Variants in EEIG2 observed in about 807,000 individuals in gnomAD.
EEIG2 encodes the protein family with sequence similarity 102 member B.
the EEIG2 span, chr1:108,606,303 C>G: frequency 6.9e-5 from 89 of 1,298,614 alleles, no homozygotes; most frequent in African/African-American, 1.1e-3. Flanking sequence ...TTGCTTATTG[C>G]TATTTATAGG....
chr1:108,573,214 C>T, the EEIG2 span, among the ~76,000 whole-genome samples: 2 of 152,172 alleles, frequency 1.3e-5, no homozygotes, highest in African/African-American at 2.4e-5. Flanking sequence ...TATTAGGATT[C>T]TACTTTGCAA....
At chr1:108,623,165 G>A in the EEIG2 span, among the ~76,000 whole-genome samples, 146,500 of 152,100 alleles carry the variant, frequency 0.96, 70,767 homozygotes, top group Non-Finnish European at 1. Context: ...ACAATAATTT[G>A]TTGCACGTTT....
At chr1:108,618,293 C>A in the EEIG2 span, among the ~76,000 whole-genome samples, 3 of 152,130 alleles carry the variant, frequency 2.0e-5, no homozygotes, top group Non-Finnish European at 4.4e-5. Flanking sequence ...TATAGAAGTT[C>A]TTTTCCAGTT....
At chr1:108,631,290 A>T in the EEIG2 span, among the ~76,000 whole-genome samples, 2 of 152,240 alleles carry the variant, frequency 1.3e-5, no homozygotes, top group African/African-American at 4.8e-5. Context: ...CTGTATTTAT[A>T]AAGTTTCATT....
At chr1:108,631,086 A>G in the EEIG2 span, 19 of 363,578 alleles carry the variant, frequency 5.2e-5, no homozygotes, top group South Asian at 3.2e-4. Context: ...AATGTGAAAA[A>G]GGATTTACAG....
At chr1:108,630,089 C>G in the EEIG2 span, among the ~76,000 whole-genome samples, 9 of 152,204 alleles carry the variant, frequency 5.9e-5, no homozygotes, top group African/African-American at 2.2e-4. Context: ...AGTGATCCTC[C>G]TGCCTTAGCC....
the EEIG2 span, among the ~76,000 whole-genome samples, chr1:108,588,903 C>T: frequency 6.6e-6 from 1 of 151,358 alleles, no homozygotes; most frequent in Non-Finnish European, 1.5e-5. Flanking sequence ...GAATAAAAAC[C>T]CTGCATGAAG....
At chr1:108,630,412 C>CCA in the EEIG2 span, among the ~76,000 whole-genome samples, 16 of 151,840 alleles carry the variant, frequency 1.1e-4, no homozygotes, top group African/African-American at 3.9e-4. Flanking sequence ...ACATCACACA[C>CCA]CACGGCCTGT....
At chr1:108,600,249 A>G in the EEIG2 span, among the ~76,000 whole-genome samples, 1 of 152,364 alleles carries the variant, frequency 6.6e-6, no homozygotes, top group African/African-American at 2.4e-5. Flanking sequence ...TTATGTTTTA[A>G]ACATGTACCA....
the EEIG2 span, among the ~76,000 whole-genome samples, chr1:108,589,783 CTTTTTTTTTTTTTTT>C: frequency 2.3e-5 from 2 of 85,160 alleles, no homozygotes; most frequent in Non-Finnish European, 4.2e-5. Flanking sequence ...GTCTTTTGTC[CTTTTTTTTTTTTTTT>C]TTTTTTTTTT....
At chr1:108,572,936 G>T in the EEIG2 span, among the ~76,000 whole-genome samples, 2 of 152,082 alleles carry the variant, frequency 1.3e-5, no homozygotes, top group African/African-American at 4.8e-5. Context: ...TCATGGCCTC[G>T]TAATTCATTT....
At chr1:108,576,543 G>T in the EEIG2 span, among the ~76,000 whole-genome samples, 21 of 135,148 alleles carry the variant, frequency 1.6e-4, 1 homozygote, top group Admixed American at 6.9e-4. Context: ...GAGAATATGC[G>T]GTGTTTGGTT....
the EEIG2 span, chr1:108,606,302 G>C: frequency 1.5e-6 from 2 of 1,301,774 alleles, no homozygotes; most frequent in Non-Finnish European, 2.1e-6. Context: ...GTTGCTTATT[G>C]CTATTTATAG....
chr1:108,613,601 C>T, the EEIG2 span, among the ~76,000 whole-genome samples: 9 of 152,124 alleles, frequency 5.9e-5, no homozygotes, highest in Admixed American at 1.3e-4. Context: ...CCCACTTTGT[C>T]CTACAAAAAA....
At chr1:108,576,359 A>C in the EEIG2 span, among the ~76,000 whole-genome samples, 11 of 150,886 alleles carry the variant, frequency 7.3e-5, no homozygotes, top group East Asian at 2.2e-3. Flanking sequence ...GGTTAGTTAC[A>C]TATGTATACA....
the EEIG2 span, among the ~76,000 whole-genome samples, chr1:108,570,110 A>T: frequency 2.0e-5 from 3 of 152,198 alleles, no homozygotes; most frequent in African/African-American, 7.2e-5. Context: ...ATATAAACTC[A>T]AGAATAGGTA....
At chr1:108,587,488 A>G in the EEIG2 span, among the ~76,000 whole-genome samples, 1 of 152,122 alleles carries the variant, frequency 6.6e-6, no homozygotes. Context: ...GTTTTGACAA[A>G]TGTATAATGA....
At chr1:108,598,642 G>GA in the EEIG2 span, among the ~76,000 whole-genome samples, 3 of 151,620 alleles carry the variant, frequency 2.0e-5, no homozygotes, top group Non-Finnish European at 4.4e-5. Flanking sequence ...GGTTCCTAAG[G>GA]AAAAAAAATG....
the EEIG2 span, chr1:108,627,882 T>A: frequency 2.8e-6 from 1 of 351,982 alleles, no homozygotes; most frequent in Non-Finnish European, 5.2e-6. Flanking sequence ...GTTAAATGTT[T>A]TGAACAACAG....
Sources: allele counts gnomAD v4.1 joint callset (sites outside exome capture counted in the v4.1 genomes callset), GRCh38; gene constraint gnomAD v4.1.1; transcripts MANE v1.5; gene names NCBI Gene and HGNC (gene_info 2026-07-23, HGNC 2026-07-21).